The following AGAP1 variants were observed in gnomAD, a reference collection of about 807,000 sequenced individuals.
AGAP1 encodes arf-GAP with GTPase, ANK repeat and PH domain-containing protein 1.
A neutral mutation model predicts 105.3 loss-of-function variants in AGAP1; 29 were observed. The observed-to-expected ratio is 0.28, with a 90% CI of 0.21 to 0.38. The LOEUF (loss-of-function observed/expected upper bound fraction) is 0.38. Ranked by LOEUF, AGAP1 falls within the 10% of genes least tolerant of loss-of-function variation. The probability of loss-of-function intolerance (pLI) is 1.00; values close to 1 mark genes in which losing one functional copy is unlikely to be tolerated. For synonymous variants in AGAP1, 509 were observed against 485.9 expected (o/e 1.05, Z -0.63); for missense variants, 998 against 1,165.1 (o/e 0.86, Z 2.09).
Position 236,089,444 on chromosome 2 carries a change from C to G in AGAP1, c.2115-30748C>G, listed in dbSNP as rs1234523508. 6.6e-6 allele frequency among the ~76,000 whole-genome samples: 1 copy of G among 152,204 alleles called. No individual in the cohort carries two copies. The highest frequency in any genetic ancestry group is 1.5e-5 in the Non-Finnish European group (1 of 68,038). On this transcript the variant is annotated intron_variant, in intron 16 of 17. Transcript: ENST00000304032. This position sits in a 1 kb window ranked among gnomAD's most constrained non-coding sequence, Gnocchi z 5.6. ...CTGCATGCTGGAGATAAAGCGCCTA[C>G]TAGGCTGCCGGGTACTGGCAGAAGA...
At chr2:235,636,342 T>A (rs1947001522) in intron 1 of AGAP1, among the ~76,000 whole-genome samples, 1 of 152,080 alleles carries the variant, frequency 6.6e-6, no homozygotes, top group South Asian at 2.1e-4. Context: ...ATTTTTGGGA[T>A]GACCACTAAA....
intron 2 of AGAP1, among the ~76,000 whole-genome samples, chr2:235,717,352 C>T (rs1172853512): frequency 6.6e-6 from 1 of 152,220 alleles, no homozygotes; most frequent in Non-Finnish European, 1.5e-5. Context: ...GCTGTTGAGG[C>T]TGATGAGAAC....
At chr2:235,745,448 G>A (rs1484401864) in intron 5 of AGAP1, among the ~76,000 whole-genome samples, 1 of 152,172 alleles carries the variant, frequency 6.6e-6, no homozygotes, top group East Asian at 1.9e-4. Context: ...GAGACACAAT[G>A]TCCTCGCTCT....
At chr2:235,914,882 C>T (rs1005350541) in intron 11 of AGAP1, among the ~76,000 whole-genome samples, 2 of 152,178 alleles carry the variant, frequency 1.3e-5, no homozygotes, top group Admixed American at 6.5e-5. Context: ...GAGCATGCAT[C>T]GGAACAGGCA....
intron 13 of AGAP1, among the ~76,000 whole-genome samples, chr2:236,031,566 G>C (rs984134335): frequency 7.9e-5 from 12 of 151,972 alleles, no homozygotes; most frequent in Non-Finnish European, 1.6e-4. Flanking sequence ...GAGTTGCAAG[G>C]GCCCTCCCAA....
At chr2:235,713,493 G>A (rs1331188675) in intron 2 of AGAP1, among the ~76,000 whole-genome samples, 1 of 152,244 alleles carries the variant, frequency 6.6e-6, no homozygotes, top group Non-Finnish European at 1.5e-5. Flanking sequence ...GCTCTTGAGC[G>A]TCTGCCTTGG....
rs1188956451 is a variant in AGAP1 at position 235,855,909 on chromosome 2, CATTATT to C, written c.1051-27426_1051-27421del. Among the ~76,000 whole-genome samples the C allele has an allele frequency of 3.2e-3, 480 of 151,956 alleles. 5 individuals are homozygous for C. Among genetic ancestry groups the C allele is most frequent in the African/African-American group, 0.011 (468 of 41,392 alleles). ...GAAGTACTGAGAATATTATTATTAT[CATTATT>C]ATTATTATTTTCTTTTGAGATGGAG... On this transcript the variant is annotated intron_variant, in intron 9 of 17. Transcript: ENST00000304032. The surrounding 1 kb of genome is among the most constrained non-coding windows in gnomAD (Gnocchi z 5.0).
At position 235,671,195 on chromosome 2, in the gene AGAP1, G is replaced by C. The variant is rs979817937; in HGVS notation, c.164-37984G>C. The C allele has an allele frequency of 8.9e-6, 9 of 1,014,694 alleles. No individual in the cohort carries two copies. The African/African-American group carries it at 1.5e-4, about 17-fold the overall frequency. The allele number at this position is 1,014,694 out of a possible 1,614,324, so 62.9% of individuals were successfully genotyped here. A position where few individuals can be genotyped will look rare whatever the true frequency, so the allele number is the denominator to read the frequency against. On this transcript the variant is annotated intron_variant, in intron 1 of 17. Transcript: ENST00000304032. ...GAGGGATGCGAACTCGGGTACTGCGGTTTTCCCCAGCAGGGCGCAGCGGTC... is the reference window on the plus strand; with the variant it reads ...GAGGGATGCGAACTCGGGTACTGCGCTTTTCCCCAGCAGGGCGCAGCGGTC...
At chr2:235,815,729 G>A (rs1330957762) in intron 9 of AGAP1, among the ~76,000 whole-genome samples, 1 of 152,214 alleles carries the variant, frequency 6.6e-6, no homozygotes, top group Non-Finnish European at 1.5e-5. Flanking sequence ...GGAAGCATAC[G>A]AGACTCAAAG....
intron 6 of AGAP1, chr2:235,783,336 G>T (rs772217450): frequency 1.1e-5 from 5 of 471,082 alleles, no homozygotes; most frequent in South Asian, 6.2e-5. Flanking sequence ...AAATTTAGAT[G>T]TATGCTTAAT....
intron 8 of AGAP1, 57 bp from the exon 9 acceptor site, chr2:235,807,182 G>C (rs1188496098): frequency 3.9e-6 from 6 of 1,542,874 alleles, no homozygotes; most frequent in Non-Finnish European, 4.4e-6. Context: ...CAGGGGCAGA[G>C]CCCCGTCTGT....
chr2:235,864,128 G>A lies in AGAP1; in HGVS notation c.1051-19217G>A, dbSNP rs1210113021. 6.6e-6 allele frequency among the ~76,000 whole-genome samples: 1 copy of A among 152,206 alleles called. No homozygotes were observed. Among genetic ancestry groups the A allele is most frequent in the Non-Finnish European group, 1.5e-5 (1 of 68,038 alleles). On this transcript the variant is annotated intron_variant, in intron 9 of 17. Coordinates refer to ENST00000304032, the MANE Select transcript of AGAP1 (RefSeq NM_001037131.3). This position sits in a 1 kb window ranked among gnomAD's most constrained non-coding sequence, Gnocchi z 5.0. Reference sequence around the variant, plus strand: ...CGTGATTTAATAAACAGTTGCTGTAGCATGTGTAATCTTTGCAGTGACAAC... The same window carrying A: ...CGTGATTTAATAAACAGTTGCTGTAACATGTGTAATCTTTGCAGTGACAAC...
rs1005509679 is a variant in AGAP1 at position 235,631,428 on chromosome 2, C to T, written c.164-77751C>T. 4.6e-5 allele frequency among the ~76,000 whole-genome samples: 7 copies of T among 152,326 alleles called. No individual in the cohort carries two copies. Among genetic ancestry groups the T allele is most frequent in the East Asian group, 1.9e-4 (1 of 5,164 alleles). On this transcript the variant is annotated intron_variant, in intron 1 of 17. Transcript: ENST00000304032. This position sits in a 1 kb window ranked among gnomAD's most constrained non-coding sequence, Gnocchi z 5.4. Reference sequence around the variant, plus strand: ...CGGGAGAGCCAAGGAGGACAGCCTCCGGGTGGGCCATCACTGCTGGTAGAG... The same window carrying T: ...CGGGAGAGCCAAGGAGGACAGCCTCTGGGTGGGCCATCACTGCTGGTAGAG...
chr2:235,837,605 T>G (rs1037046315), intron 9 of AGAP1, among the ~76,000 whole-genome samples: 10 of 152,096 alleles, frequency 6.6e-5, no homozygotes, highest in African/African-American at 2.2e-4. Context: ...CCAGGGTTGT[T>G]GGTGGATTAA....
rs1386648959 is a variant in AGAP1 at position 235,736,379 on chromosome 2, A to G, written c.311-4584A>G. Reference sequence around the variant, plus strand: ...TGCTGATGTCATTTAATCGTACGTCATCATAATTGGCAGCAGAGAAGGTTG... The same window carrying G: ...TGCTGATGTCATTTAATCGTACGTCGTCATAATTGGCAGCAGAGAAGGTTG... On this transcript the variant is annotated intron_variant, in intron 3 of 17. Transcript: ENST00000304032. This position sits in a 1 kb window ranked among gnomAD's most constrained non-coding sequence, Gnocchi z 5.5. 1.3e-5 allele frequency among the ~76,000 whole-genome samples: 2 copies of G among 152,154 alleles called. No individual in the cohort carries two copies. The highest frequency in any genetic ancestry group is 2.9e-5 in the Non-Finnish European group (2 of 68,034).
At chr2:235,568,380 C>G (rs1239785363) in intron 1 of AGAP1, among the ~76,000 whole-genome samples, 1 of 152,210 alleles carries the variant, frequency 6.6e-6, no homozygotes, top group Non-Finnish European at 1.5e-5. Context: ...TCTGTTGATG[C>G]AACAACCTGT....
rs567364949 is a variant in AGAP1 at position 235,738,461 on chromosome 2, C to T, written c.311-2502C>T. The stretch of plus-strand genomic sequence containing the variant: ...GGATTTGAACCTGGTGGGCTGGTGC[C>T]TGGGGCCACACACAGAACAGGGTAT... On this transcript the variant is annotated intron_variant, in intron 3 of 17. Transcript: ENST00000304032. Among the ~76,000 whole-genome samples the T allele has an allele frequency of 1.4e-4, 22 of 152,250 alleles. No individual in the cohort carries two copies. The South Asian group carries it at 3.1e-3, about 22-fold the overall frequency.
In AGAP1 at chr2:235,596,068, C is replaced by T. The variant is rs184569226; in HGVS notation, c.163+101219C>T. 1.2e-4 allele frequency among the ~76,000 whole-genome samples: 18 copies of T among 152,286 alleles called. No individual in the cohort carries two copies. The South Asian group carries it at 1.2e-3, about 11-fold the overall frequency. On this transcript the variant is annotated intron_variant, in intron 1 of 17. Coordinates refer to ENST00000304032, the MANE Select transcript of AGAP1 (RefSeq NM_001037131.3). This position sits in a 1 kb window ranked among gnomAD's most constrained non-coding sequence, Gnocchi z 5.9. ...ATCGCAGCCCTGTGAATTGTGTGCC[C>T]TAAGAGCCAGCTGTGCTCCTAACAG...
At chr2:235,592,728 A>T (rs1945391433) in intron 1 of AGAP1, among the ~76,000 whole-genome samples, 2 of 152,304 alleles carry the variant, frequency 1.3e-5, no homozygotes, top group East Asian at 3.9e-4. Flanking sequence ...TTATGGTGTC[A>T]GTCCCAAAGC....
Sources: allele counts gnomAD v4.1 joint callset (sites outside exome capture counted in the v4.1 genomes callset), GRCh38; gene constraint gnomAD v4.1.1; non-coding constraint Gnocchi (gnomAD v3.1); transcripts MANE v1.5; gene names NCBI Gene and HGNC (gene_info 2026-07-23, HGNC 2026-07-21).